The following PALS2 variants were observed in gnomAD, a reference collection of about 807,000 sequenced individuals.
PALS2 encodes the protein protein associated with LIN7 2, MAGUK p55 family member.
PALS2 carries 27 observed loss-of-function variants against 61.6 expected under a neutral mutation model. The observed-to-expected ratio is 0.44, with a 90% CI of 0.32 to 0.60. The LOEUF is 0.60. Among genes scored for constraint, PALS2 ranks in the 20% least tolerant of loss-of-function variants. The pLI is 0.05. For missense variants in PALS2, 554 were observed against 639.4 expected, an observed-to-expected ratio of 0.87 and a Z score of 1.44; for synonymous variants, 236 against 218.6, an observed-to-expected ratio of 1.08 and a Z score of -0.70.
At position 24,679,209 on chromosome 7, in the gene PALS2, A is replaced by G. The variant is rs950148574; in HGVS notation, c.1193A>G (p.Asp398Gly). Residue 398 changes from aspartate to glycine, a missense_variant, in exon 10 of 12, where the codon GAT becomes GGT. By Grantham distance (94) the Asp-to-Gly change is moderately conservative (BLOSUM62 -1). Coordinates refer to ENST00000222644, the MANE Select transcript of PALS2 (RefSeq NM_001303037.2). ...KFVSRSEMEA[D>G]IKAGKYLEHG... ...GTGTCACGATCTGAGATGGAAGCAG[A>G]TATTAAAGCTGGAAAGTATTTGGAA... The G allele has an allele frequency of 1.9e-6, 3 of 1,614,032 alleles. No individual in the cohort carries two copies. Among genetic ancestry groups the G allele is most frequent in the Non-Finnish European group, 2.5e-6 (3 of 1,179,878 alleles).
chr7:24,617,934 A>AG (rs1314160009), intron 1 of PALS2, among the ~76,000 whole-genome samples: 1 of 152,174 alleles, frequency 6.6e-6, no homozygotes, highest in Non-Finnish European at 1.5e-5. Flanking sequence ...CGGCCAGTCT[A>AG]GGGGCATGTC....
At chr7:24,593,512 A>G (rs1327891199) in intron 1 of PALS2, among the ~76,000 whole-genome samples, 2 of 152,144 alleles carry the variant, frequency 1.3e-5, no homozygotes, top group African/African-American at 4.8e-5. Flanking sequence ...TATGGCAGCT[A>G]TCGTCTTATG....
intron 2 of PALS2, among the ~76,000 whole-genome samples, chr7:24,629,887 AAATT>A (rs1784921971): frequency 6.6e-6 from 1 of 152,230 alleles, no homozygotes; most frequent in African/African-American, 2.4e-5. Context: ...CTGGGAGTGT[AAATT>A]AATTCAAGCA....
chr7:24,634,284 G>T (rs1053562465), intron 2 of PALS2, among the ~76,000 whole-genome samples: 21 of 152,248 alleles, frequency 1.4e-4, no homozygotes, highest in Admixed American at 5.2e-4. Context: ...AGGCTGGAGT[G>T]CAGTGGCACG....
intron 1 of PALS2, among the ~76,000 whole-genome samples, chr7:24,598,850 A>G (rs1783614552): frequency 6.6e-6 from 1 of 152,212 alleles, no homozygotes; most frequent in Admixed American, 6.5e-5. Flanking sequence ...ACTGGGAGAC[A>G]TTATGCCTTT....
Position 24,687,736 on chromosome 7 carries a change from G to T in PALS2, c.*122G>T. 3 of 970,730 alleles carry T rather than the reference G, an allele frequency of 3.1e-6. 1 individual carries two copies. In the South Asian group the frequency reaches 6.2e-5, roughly 20 times the overall value. 60.1% of individuals were successfully genotyped at this position (970,730 alleles called of 1,614,324 possible). ...TCTGCTAAGTCCAGGCATTTTTATG[G>T]TGTAGATTGAAATAATAGTACACTT... On this transcript the variant is annotated 3_prime_UTR_variant, in exon 12 of 12. Coordinates refer to ENST00000222644, the MANE Select transcript of PALS2 (RefSeq NM_001303037.2). This position sits in a 1 kb window ranked among gnomAD's most constrained non-coding sequence, Gnocchi z 4.5.
rs1228249070 is a variant in PALS2 at position 24,690,957 on chromosome 7, T to A, written c.*3343T>A. 1 of 152,134 alleles carries A rather than the reference T, an allele frequency of 6.6e-6. No individual in the cohort carries two copies. Among genetic ancestry groups the A allele is most frequent in the Non-Finnish European group, 1.5e-5 (1 of 68,000 alleles). 9.4% of individuals were successfully genotyped at this position (152,134 alleles called of 1,614,324 possible). A position where few individuals can be genotyped will look rare whatever the true frequency, so the allele number is the denominator to read the frequency against. On this transcript the variant is annotated 3_prime_UTR_variant, in exon 12 of 12. Coordinates refer to ENST00000222644, the MANE Select transcript of PALS2 (RefSeq NM_001303037.2). The stretch of plus-strand genomic sequence containing the variant: ...GGCAAATTTAGATAATAACCCAAGT[T>A]AGCAATAAAACCATGTGACATTATA...
chr7:24,593,096 T>C (rs559798894), intron 1 of PALS2, among the ~76,000 whole-genome samples: 3 of 152,160 alleles, frequency 2.0e-5, no homozygotes, highest in African/African-American at 4.8e-5. Flanking sequence ...GCTAAACTTA[T>C]GTAATATTCT....
chr7:24,656,558 G>A (rs1400874228), intron 5 of PALS2, among the ~76,000 whole-genome samples: 3 of 151,832 alleles, frequency 2.0e-5, no homozygotes, highest in South Asian at 2.1e-4. Flanking sequence ...GCCTCACTCT[G>A]TCACCCAGGC....
chr7:24,633,189 G>T (rs116712574), intron 2 of PALS2, among the ~76,000 whole-genome samples: 1,808 of 151,350 alleles, frequency 0.012, 37 homozygotes, highest in African/African-American at 0.041. Context: ...CCCAAGTTTT[G>T]CACTTACACC....
rs375853577 is a variant in PALS2, at chr7:24,692,939, C to T, written c.*5325C>T. 2 of 152,154 alleles carry T rather than the reference C, an allele frequency of 1.3e-5. No homozygotes were observed. Among genetic ancestry groups the T allele is most frequent in the African/African-American group, 4.8e-5 (2 of 41,448 alleles). The allele number at this position is 152,154 out of a possible 1,614,324, so 9.4% of individuals were successfully genotyped here. A position where few individuals can be genotyped will look rare whatever the true frequency, so the allele number is the denominator to read the frequency against. ...CAGTGAGGTCTTAGTTTGTGAACCT[C>T]AAAATCCAGATATTAATCCACTTTA... On this transcript the variant is annotated 3_prime_UTR_variant, in exon 12 of 12. Coordinates refer to ENST00000222644, the MANE Select transcript of PALS2 (RefSeq NM_001303037.2).
chr7:24,624,437 G>A (rs1182407690), intron 2 of PALS2, among the ~76,000 whole-genome samples: 2 of 151,840 alleles, frequency 1.3e-5, no homozygotes, highest in Non-Finnish European at 2.9e-5. Context: ...TTTCTTCATA[G>A]AGCCATCTTG....
intron 2 of PALS2, among the ~76,000 whole-genome samples, chr7:24,624,886 C>T (rs1410806458): frequency 2.0e-5 from 3 of 152,054 alleles, no homozygotes; most frequent in Non-Finnish European, 4.4e-5. Context: ...AGGCATAAGC[C>T]ACCAGGCCCG....
chr7:24,680,648 T>C (rs1353448903), intron 11 of PALS2, 128 bp downstream of exon 11: 1 of 1,210,388 alleles, frequency 8.3e-7, no homozygotes, highest in East Asian at 2.9e-5. Context: ...CAGGCTGGAG[T>C]GCATTGATGC....
intron 1 of PALS2, among the ~76,000 whole-genome samples, chr7:24,580,897 C>T (rs1393121671): frequency 1.3e-5 from 2 of 152,204 alleles, no homozygotes; most frequent in African/African-American, 2.4e-5. Flanking sequence ...CACATTATCT[C>T]ATCTGCTTGT....
intron 1 of PALS2, among the ~76,000 whole-genome samples, chr7:24,619,766 T>C (rs2128055485): frequency 6.6e-6 from 1 of 151,932 alleles, no homozygotes; most frequent in Non-Finnish European, 1.5e-5. Flanking sequence ...TTATGTGTTA[T>C]TGAATCTAGG....
chr7:24,657,603 C>A (rs1290536240), intron 5 of PALS2, among the ~76,000 whole-genome samples: 2 of 152,268 alleles, frequency 1.3e-5, no homozygotes, highest in Admixed American at 6.5e-5. Context: ...TATACAAGTG[C>A]TTCATCAGAA....
At chr7:24,617,321 G>A (rs943008731) in intron 1 of PALS2, among the ~76,000 whole-genome samples, 5 of 151,772 alleles carry the variant, frequency 3.3e-5, no homozygotes, top group African/African-American at 1.2e-4. Flanking sequence ...CTATTATTTT[G>A]TATCTCACTG....
At chr7:24,660,491 AC>A (rs1786660453) in intron 5 of PALS2, among the ~76,000 whole-genome samples, 1 of 152,240 alleles carries the variant, frequency 6.6e-6, no homozygotes. Context: ...TTTTCACTTA[AC>A]CATCTGTCTT....
Sources: allele counts gnomAD v4.1 joint callset (sites outside exome capture counted in the v4.1 genomes callset), GRCh38; gene constraint gnomAD v4.1.1; non-coding constraint Gnocchi (gnomAD v3.1); transcripts MANE v1.5; gene names NCBI Gene and HGNC (gene_info 2026-07-23, HGNC 2026-07-21).